WDSUB1: variants seen among roughly 807,000 people sequenced by gnomAD.
WDSUB1 encodes WD repeat, SAM and U-box domain-containing protein 1.
A neutral mutation model predicts 53.9 loss-of-function variants in WDSUB1; 49 were observed. The ratio of observed to expected loss-of-function variants is 0.91; its 90% CI spans 0.72 to 1.15. The LOEUF is 1.15. Among genes scored for constraint, WDSUB1 ranks in the 50% most tolerant of loss-of-function variants. The pLI, the probability that WDSUB1 is intolerant of heterozygous loss-of-function variation, is 0.00. For synonymous variants in WDSUB1, 194 were observed against 200.6 expected, an observed-to-expected ratio of 0.97 and a Z score of 0.28; for missense variants, 514 against 562.0, an observed-to-expected ratio of 0.91 and a Z score of 0.86.
At chr2:159,245,087 A>ATAGAT (rs2060762284) in intron 10 of WDSUB1, among the ~76,000 whole-genome samples, 1 of 152,242 alleles carries the variant, frequency 6.6e-6, no homozygotes, top group Non-Finnish European at 1.5e-5. Context: ...AAACTAATCT[A>ATAGAT]TAGATTAAAC....
At chr2:159,283,156 T>G in intron 1 of WDSUB1, 63 bp from the exon 2 acceptor site, 1 of 1,408,840 alleles carries the variant, frequency 7.1e-7, no homozygotes, top group African/African-American at 1.4e-5. Context: ...AATTTGAGTC[T>G]ATATAAAAGG....
At chr2:159,243,820 A>G (rs2060719672) in intron 10 of WDSUB1, among the ~76,000 whole-genome samples, 1 of 152,240 alleles carries the variant, frequency 6.6e-6, no homozygotes, top group East Asian at 1.9e-4. Flanking sequence ...AGAAAGGTTC[A>G]TAGCAGCACT....
At position 159,248,371 on chromosome 2, in the gene WDSUB1, C is replaced by A. The variant is rs753234795; in HGVS notation, c.1273+1G>T. The A allele has an allele frequency of 6.2e-7, 1 of 1,611,692 alleles. No individual in the cohort carries two copies. Among genetic ancestry groups the A allele is most frequent in the South Asian group, 1.1e-5 (1 of 90,726 alleles). On this transcript the variant is annotated splice_donor_variant, in intron 10 of 10. Coordinates refer to ENST00000359774, the MANE Select transcript of WDSUB1 (RefSeq NM_001128212.3). LOFTEE classifies it high-confidence loss of function. ...GCAACTTAGTATAGCATCACACATA[C>A]CTGATGCGATGACCGGATCTTTCAT...
At chr2:159,278,136 A>G (rs2061581624) in intron 3 of WDSUB1, among the ~76,000 whole-genome samples, 1 of 152,230 alleles carries the variant, frequency 6.6e-6, no homozygotes, top group African/African-American at 2.4e-5. Flanking sequence ...CCACACTTAT[A>G]TAATTCACCA....
chr2:159,256,171 A>G (rs1363333749), intron 9 of WDSUB1, 25 bp downstream of exon 9: 4 of 1,569,176 alleles, frequency 2.5e-6, no homozygotes. Context: ...TGTTTTGAAG[A>G]TTGCCTATCT....
At chr2:159,252,196 GA>G (rs2060965523) in intron 9 of WDSUB1, among the ~76,000 whole-genome samples, 1 of 152,048 alleles carries the variant, frequency 6.6e-6, no homozygotes, top group African/African-American at 2.4e-5. Context: ...GAGAAGACAC[GA>G]AACCTATATT....
At chr2:159,257,134 T>TG (rs1335064525) in intron 8 of WDSUB1, among the ~76,000 whole-genome samples, 2 of 152,046 alleles carry the variant, frequency 1.3e-5, no homozygotes, top group African/African-American at 4.8e-5. Context: ...CCCAAGTAGC[T>TG]GGGGCCACAA....
At chr2:159,276,492 T>G (rs1278161541) in intron 3 of WDSUB1, among the ~76,000 whole-genome samples, 1 of 152,192 alleles carries the variant, frequency 6.6e-6, no homozygotes, top group East Asian at 1.9e-4. Context: ...TTCACTCCAT[T>G]TGGTTGAAAA....
chr2:159,245,544 A>AG (rs2060775552), intron 10 of WDSUB1, among the ~76,000 whole-genome samples: 1 of 151,924 alleles, frequency 6.6e-6, no homozygotes, highest in East Asian at 1.9e-4. Flanking sequence ...AAAAAAAAAA[A>AG]AAGACTATAA....
chr2:159,248,205 TTTCA>T (rs2060863436), intron 10 of WDSUB1, among the ~76,000 whole-genome samples, 163 bp downstream of exon 10: 1 of 152,162 alleles, frequency 6.6e-6, no homozygotes, highest in East Asian at 1.9e-4. Context: ...CTCTGTTCAA[TTTCA>T]TTATGAAATA....
At chr2:159,281,891 C>T (rs1014109144) in intron 2 of WDSUB1, among the ~76,000 whole-genome samples, 6 of 152,106 alleles carry the variant, frequency 3.9e-5, no homozygotes, top group South Asian at 2.1e-4. Flanking sequence ...GCAGGAGAAT[C>T]GCTTGAACCT....
intron 5 of WDSUB1, among the ~76,000 whole-genome samples, chr2:159,266,513 A>G (rs2061352064): frequency 6.6e-6 from 1 of 152,114 alleles, no homozygotes; most frequent in Admixed American, 6.6e-5. Context: ...TAAGAATGTG[A>G]AGGAATCTTA....
chr2:159,256,511 T>A, intron 8 of WDSUB1, 136 bp from the exon 9 acceptor site: 1 of 856,594 alleles, frequency 1.2e-6, no homozygotes, highest in Non-Finnish European at 1.7e-6. Flanking sequence ...ATGCCTATAA[T>A]CCTAGCTTCT....
chr2:159,271,805 A>G lies in WDSUB1; in HGVS notation c.677-10T>C. 1 of 1,607,302 alleles carries G rather than the reference A, an allele frequency of 6.2e-7. No homozygotes were observed. The highest frequency in any genetic ancestry group is 2.2e-5 in the East Asian group (1 of 44,846). On this transcript the variant is annotated splice_polypyrimidine_tract_variant and intron_variant, in intron 4 of 10. Coordinates refer to ENST00000359774, the MANE Select transcript of WDSUB1 (RefSeq NM_001128212.3). The stretch of plus-strand genomic sequence containing the variant: ...TATTTTAATTCAAAACCTGCAAATA[A>G]CAAGGTAACAGAGATTAGAAAGCTG...
At chr2:159,265,061 G>A (rs1266346884) in intron 5 of WDSUB1, among the ~76,000 whole-genome samples, 1 of 145,724 alleles carries the variant, frequency 6.9e-6, no homozygotes, top group Non-Finnish European at 1.5e-5. Context: ...TCCAGACTGG[G>A]TAACAAGAGC....
intron 3 of WDSUB1, among the ~76,000 whole-genome samples, chr2:159,279,364 AT>A (rs1419847587): frequency 9.8e-5 from 15 of 152,336 alleles, no homozygotes; most frequent in African/African-American, 3.4e-4. Context: ...CACAGCTTCT[AT>A]TTCCAATTTT....
chr2:159,261,107 A>C (rs1200378164), intron 5 of WDSUB1, among the ~76,000 whole-genome samples: 1 of 152,242 alleles, frequency 6.6e-6, no homozygotes, highest in African/African-American at 2.4e-5. Context: ...CTGTGAATTC[A>C]ACCATGAATC....
intron 10 of WDSUB1, among the ~76,000 whole-genome samples, chr2:159,239,246 G>A (rs1575420271): frequency 2.2e-5 from 3 of 139,424 alleles, no homozygotes; most frequent in African/African-American, 9.2e-5. Context: ...CTCAAACAAC[G>A]CTCCCACCTT....
At chr2:159,241,028 T>C (rs1175499955) in intron 10 of WDSUB1, among the ~76,000 whole-genome samples, 1 of 152,052 alleles carries the variant, frequency 6.6e-6, no homozygotes, top group East Asian at 1.9e-4. Flanking sequence ...CGATGACAAA[T>C]AGGAATTAGA....
Sources: gnomAD v4.1 joint callset for allele counts (sites outside exome capture counted in the v4.1 genomes callset) on GRCh38, gnomAD v4.1.1 for gene constraint, MANE v1.5 for transcripts, NCBI Gene and HGNC (gene_info 2026-07-23, HGNC 2026-07-21) for gene names.